The following CNTN4 variants were observed in gnomAD, a reference collection of about 807,000 sequenced individuals.
CNTN4 encodes contactin-4.
In CNTN4, 77 loss-of-function variants were observed where a neutral mutation model predicts 122.5. The observed-to-expected ratio is 0.63, with a 90% CI of 0.52 to 0.76. CNTN4 has a LOEUF of 0.76. Among genes scored for constraint, CNTN4 ranks in the 30% least tolerant of loss-of-function variants. CNTN4 has a pLI of 0.00. For synonymous variants in CNTN4, 512 were observed against 447.0 expected (o/e 1.15, Z -1.83); for missense variants, 1,256 against 1,259.1 (o/e 1.00, Z 0.04).
At chr3:2,379,777 G>A (rs567552863) in intron 3 of CNTN4, among the ~76,000 whole-genome samples, 1 of 152,110 alleles carries the variant, frequency 6.6e-6, no homozygotes, top group East Asian at 1.9e-4. Flanking sequence ...CATCATGGCC[G>A]GGCGCGGTGG....
chr3:2,527,702 CCTGT>C (rs1559640652), intron 3 of CNTN4, among the ~76,000 whole-genome samples: 1 of 152,054 alleles, frequency 6.6e-6, no homozygotes, highest in Non-Finnish European at 1.5e-5. Context: ...AATAGAAATA[CCTGT>C]CTATTATTTA....
intron 13 of CNTN4, among the ~76,000 whole-genome samples, chr3:2,952,287 G>A (rs535508660): frequency 1.3e-5 from 2 of 152,256 alleles, no homozygotes; most frequent in African/African-American, 4.8e-5. Flanking sequence ...GACTCTCTTG[G>A]ATCTTGAGGT....
chr3:2,151,012 A>G (rs1000501802), intron 2 of CNTN4, among the ~76,000 whole-genome samples: 2 of 152,216 alleles, frequency 1.3e-5, no homozygotes, highest in Admixed American at 1.3e-4. Context: ...AAAATGGACA[A>G]ATTCTTTGTT....
Position 2,693,961 on chromosome 3 carries a change from ATTTCTAGGTGCC to A in CNTN4, c.56-42249_56-42238del, listed in dbSNP as rs2085878576. ...TTAGACACATTCTTCTTATCCTAGC[ATTTCTAGGTGCC>A]TTTCATCTTCCCAGTATAGTCCTAA... On this transcript the variant is annotated intron_variant, in intron 4 of 24. Coordinates refer to ENST00000418658, the MANE Select transcript of CNTN4 (RefSeq NM_175607.3). Among the ~76,000 whole-genome samples, 3 of 152,082 alleles carry A rather than the reference ATTTCTAGGTGCC, an allele frequency of 2.0e-5. No individual in the cohort carries two copies. In the South Asian group the frequency reaches 6.2e-4, roughly 32 times the overall value.
intron 8 of CNTN4, among the ~76,000 whole-genome samples, chr3:2,868,556 C>T (rs964994944): frequency 2.0e-5 from 3 of 152,206 alleles, no homozygotes; most frequent in Non-Finnish European, 4.4e-5. Context: ...ATTTTATATA[C>T]TAAGCAGCTC....
At chr3:2,811,407 CAA>C (rs143290005) in intron 6 of CNTN4, among the ~76,000 whole-genome samples, 127 of 124,070 alleles carry the variant, frequency 1.0e-3, no homozygotes, top group Admixed American at 1.4e-3. Flanking sequence ...GACTCAGTGT[CAA>C]AAAAAAAAAA....
intron 15 of CNTN4, among the ~76,000 whole-genome samples, chr3:3,029,022 C>T (rs1698957507): frequency 6.6e-6 from 1 of 152,102 alleles, no homozygotes; most frequent in African/African-American, 2.4e-5. Flanking sequence ...GTCCTGAGTC[C>T]AATCCCCTGT....
chr3:2,140,400 G>C (rs992309749), intron 2 of CNTN4, among the ~76,000 whole-genome samples: 6 of 152,224 alleles, frequency 3.9e-5, no homozygotes, highest in African/African-American at 1.4e-4. Context: ...ACCATTTTCT[G>C]GGTAGCTCCT....
chr3:2,314,431 A>G (rs960611547), intron 2 of CNTN4, among the ~76,000 whole-genome samples: 3 of 152,016 alleles, frequency 2.0e-5, no homozygotes, highest in African/African-American at 4.8e-5. Flanking sequence ...CTACATACAT[A>G]TTAGAAGTGA....
rs530519818 is a variant in CNTN4, at chr3:2,592,471, G to A, written c.55+20913G>A. On this transcript the variant is annotated intron_variant, in intron 4 of 24. Coordinates refer to ENST00000418658, the MANE Select transcript of CNTN4 (RefSeq NM_175607.3). ...CCATAATTCCCACATGTTGTGGGAC[G>A]TACCGGGTAAGAGATGATTGAATCA... 7.2e-5 allele frequency among the ~76,000 whole-genome samples: 11 copies of A among 152,284 alleles called. No homozygotes were observed. In the South Asian group the frequency reaches 1.9e-3, roughly 26 times the overall value.
intron 3 of CNTN4, among the ~76,000 whole-genome samples, chr3:2,379,652 G>T (rs904688949): frequency 2.6e-5 from 4 of 152,180 alleles, no homozygotes; most frequent in African/African-American, 9.7e-5. Context: ...TAGACTGCAA[G>T]AATTTGAATC....
chr3:2,294,771 C>A (rs563468945), intron 2 of CNTN4, among the ~76,000 whole-genome samples: 1 of 152,242 alleles, frequency 6.6e-6, no homozygotes, highest in Non-Finnish European at 1.5e-5. Flanking sequence ...TGGTGTGCTG[C>A]ACCCATTAAC....
Position 2,819,586 on chromosome 3 carries a change from A to T in CNTN4, c.454+5A>T. The T allele has an allele frequency of 6.3e-7, 1 of 1,598,942 alleles. No homozygotes were observed. The highest frequency in any genetic ancestry group is 8.6e-7 in the Non-Finnish European group (1 of 1,166,114). ...GCCCGCCACCCCATTCTGGAGGTAC[A>T]TATAAATGAACTGACATATGCATGC... On this transcript the variant is annotated splice_donor_5th_base_variant and intron_variant, in intron 7 of 24. Coordinates refer to ENST00000418658, the MANE Select transcript of CNTN4 (RefSeq NM_175607.3).
chr3:2,961,080 A>C (rs1183190078), intron 13 of CNTN4, among the ~76,000 whole-genome samples: 1 of 141,112 alleles, frequency 7.1e-6, no homozygotes. Context: ...AATACAAAAA[A>C]TTAGCCGGGC....
intron 2 of CNTN4, among the ~76,000 whole-genome samples, chr3:2,185,246 T>C (rs914465718): frequency 2.0e-5 from 3 of 152,220 alleles, no homozygotes; most frequent in African/African-American, 7.2e-5. Context: ...CTGAGGAGTC[T>C]GTCTTCTTTG....
intron 4 of CNTN4, among the ~76,000 whole-genome samples, chr3:2,648,305 T>G (rs2150169690): frequency 6.6e-6 from 1 of 152,332 alleles, no homozygotes; most frequent in African/African-American, 2.4e-5. Context: ...TTTGCTTTAT[T>G]GCACTTCACA....
chr3:2,869,570 A>C (rs1393478190), intron 8 of CNTN4, among the ~76,000 whole-genome samples: 2 of 152,226 alleles, frequency 1.3e-5, no homozygotes, highest in East Asian at 3.8e-4. Flanking sequence ...GTAAAACCAA[A>C]TACATAACTT....
intron 2 of CNTN4, among the ~76,000 whole-genome samples, chr3:2,123,849 ACT>A (rs1457037282): frequency 1.2e-4 from 18 of 152,208 alleles, no homozygotes; most frequent in African/African-American, 4.1e-4. Flanking sequence ...GGTCATCCTG[ACT>A]CTCTAAGTAA....
intron 3 of CNTN4, among the ~76,000 whole-genome samples, chr3:2,522,803 T>A (rs2077268027): frequency 6.6e-6 from 1 of 152,066 alleles, no homozygotes; most frequent in African/African-American, 2.4e-5. Flanking sequence ...AATTCCCTGT[T>A]CAGCCCACAT....
Sources: allele counts gnomAD v4.1 joint callset (sites outside exome capture counted in the v4.1 genomes callset), GRCh38; gene constraint gnomAD v4.1.1; transcripts MANE v1.5; gene names NCBI Gene and HGNC (gene_info 2026-07-23, HGNC 2026-07-21).